GALNT17: variants seen among roughly 807,000 people sequenced by gnomAD.
GALNT17 encodes the protein UDP-GalNAc:polypeptide N-acetylgalactosaminyltransferase-like 3.
A neutral mutation model predicts 63.7 loss-of-function variants in GALNT17; 29 were observed. That is an observed-to-expected ratio of 0.46 (90% CI 0.34 to 0.62). The LOEUF (loss-of-function observed/expected upper bound fraction) is 0.62. Ranked by LOEUF, GALNT17 falls within the 20% of genes least tolerant of loss-of-function variation. The pLI is 0.01. For synonymous variants in GALNT17, 305 were observed against 318.3 expected (o/e 0.96, Z 0.45); for missense variants, 603 against 799.6 (o/e 0.75, Z 2.97).
At chr7:71,290,124 G>A (rs1790953725) in intron 1 of GALNT17, among the ~76,000 whole-genome samples, 1 of 152,164 alleles carries the variant, frequency 6.6e-6, no homozygotes, top group African/African-American at 2.4e-5. Flanking sequence ...TTTAGTATAT[G>A]CATGATAGCA....
At chr7:71,523,296 G>A (rs945194255) in intron 5 of GALNT17, among the ~76,000 whole-genome samples, 2 of 152,112 alleles carry the variant, frequency 1.3e-5, no homozygotes, top group Non-Finnish European at 2.9e-5. Context: ...AGGCGTGGTG[G>A]CGCACGCCTG....
At chr7:71,542,466 G>A (rs1384756581) in intron 5 of GALNT17, among the ~76,000 whole-genome samples, 1 of 152,030 alleles carries the variant, frequency 6.6e-6, no homozygotes, top group Non-Finnish European at 1.5e-5. Flanking sequence ...GGAGGCCGAG[G>A]CGGGCAGATC....
intron 1 of GALNT17, among the ~76,000 whole-genome samples, chr7:71,272,180 T>C (rs557507691): frequency 1.3e-5 from 2 of 152,362 alleles, no homozygotes; most frequent in African/African-American, 4.8e-5. Flanking sequence ...TGCTATTCCA[T>C]GTATTGGGAG....
intron 6 of GALNT17, among the ~76,000 whole-genome samples, chr7:71,614,790 GAGAA>G (rs1356922750): frequency 6.7e-6 from 1 of 148,522 alleles, no homozygotes; most frequent in Admixed American, 6.8e-5. Context: ...AAGAGAAACA[GAGAA>G]AGAGAAAAAA....
chr7:71,358,988 T>G (rs1330354682), intron 2 of GALNT17, among the ~76,000 whole-genome samples: 1 of 152,174 alleles, frequency 6.6e-6, no homozygotes, highest in Non-Finnish European at 1.5e-5. Context: ...CTGGCCAGGC[T>G]GGTCTCAAAC....
chr7:71,332,058 G>T (rs1291146700), intron 1 of GALNT17, among the ~76,000 whole-genome samples: 1 of 152,070 alleles, frequency 6.6e-6, no homozygotes, highest in Non-Finnish European at 1.5e-5. Flanking sequence ...GCCTAGATGG[G>T]CTCCTTCCTC....
At chr7:71,710,482 A>G (rs1420978901) in intron 9 of GALNT17, among the ~76,000 whole-genome samples, 3 of 152,166 alleles carry the variant, frequency 2.0e-5, no homozygotes, top group South Asian at 4.1e-4. Context: ...CACTCCAGAC[A>G]GGACAACAGA....
intron 6 of GALNT17, among the ~76,000 whole-genome samples, chr7:71,623,128 TTC>T (rs762185988): frequency 2.0e-5 from 3 of 152,158 alleles, no homozygotes; most frequent in Non-Finnish European, 4.4e-5. Flanking sequence ...GGATATCATA[TTC>T]TCTCTGTTTG....
intron 1 of GALNT17, among the ~76,000 whole-genome samples, chr7:71,318,436 G>T (rs1181197273): frequency 6.7e-6 from 1 of 149,552 alleles, no homozygotes; most frequent in Non-Finnish European, 1.5e-5. Context: ...GTGTGTGGGG[G>T]GTGGGATATA....
At chr7:71,295,502 T>TTTCCTTTC (rs1791061967) in intron 1 of GALNT17, among the ~76,000 whole-genome samples, 1 of 151,898 alleles carries the variant, frequency 6.6e-6, no homozygotes, top group Non-Finnish European at 1.5e-5. Context: ...CTCTTTCTTT[T>TTTCCTTTC]TTCCTTTCTT....
chr7:71,397,956 G>C (rs937737950), intron 3 of GALNT17, among the ~76,000 whole-genome samples: 1 of 150,204 alleles, frequency 6.7e-6, no homozygotes, highest in Non-Finnish European at 1.5e-5. Flanking sequence ...TGTTGTTGTT[G>C]TTGTTGTTGT....
intron 7 of GALNT17, among the ~76,000 whole-genome samples, chr7:71,668,975 G>C (rs1345620649): frequency 1.3e-5 from 2 of 152,138 alleles, no homozygotes; most frequent in Admixed American, 1.3e-4. Flanking sequence ...GTGGTTGTAG[G>C]CATTTATTTT....
intron 5 of GALNT17, among the ~76,000 whole-genome samples, chr7:71,528,856 C>T (rs555841199): frequency 5.3e-5 from 8 of 152,004 alleles, no homozygotes; most frequent in Non-Finnish European, 8.8e-5. Context: ...AAAAGTTGAC[C>T]GGGTGTGGTG....
Position 71,598,458 on chromosome 7 carries a change from G to A in GALNT17, c.1080+27056G>A, listed in dbSNP as rs2116930417. On this transcript the variant is annotated intron_variant, in intron 6 of 10. Coordinates refer to ENST00000333538, the MANE Select transcript of GALNT17 (RefSeq NM_022479.3). Reference sequence around the variant, plus strand: ...GCATGGATCTCACATATGTGAAGATGAAATAGCTGTGTTTAGTATTTCTCT... The same window carrying A: ...GCATGGATCTCACATATGTGAAGATAAAATAGCTGTGTTTAGTATTTCTCT... Among the ~76,000 whole-genome samples, 2 of 152,356 alleles carry A rather than the reference G, an allele frequency of 1.3e-5. 1 individual carries two copies. The highest frequency in any genetic ancestry group is 4.1e-4 in the South Asian group (2 of 4,828).
At chr7:71,134,090 A>C (rs2903459) in intron 1 of GALNT17, among the ~76,000 whole-genome samples, 118,950 of 152,192 alleles carry the variant, frequency 0.78, 47,174 homozygotes, top group East Asian at 0.99. Flanking sequence ...CCACCCATCC[A>C]CAGAGGGGAA....
intron 5 of GALNT17, among the ~76,000 whole-genome samples, chr7:71,555,093 G>T: frequency 6.6e-6 from 1 of 152,040 alleles, no homozygotes; most frequent in East Asian, 1.9e-4. Flanking sequence ...AGGTCCTAGA[G>T]TCTTCGTTAA....
At chr7:71,426,725 G>A (rs1786767124) in intron 5 of GALNT17, among the ~76,000 whole-genome samples, 1 of 152,094 alleles carries the variant, frequency 6.6e-6, no homozygotes, top group Admixed American at 6.5e-5. Flanking sequence ...TTCAAGACCA[G>A]CCTAGCCAAC....
chr7:71,633,236 G>T (rs73371256), intron 6 of GALNT17, among the ~76,000 whole-genome samples: 2 of 151,868 alleles, frequency 1.3e-5, no homozygotes. Flanking sequence ...ATTCTCACTC[G>T]CCATGTCCCA....
chr7:71,385,499 C>T (rs1353910866), intron 2 of GALNT17, among the ~76,000 whole-genome samples: 5 of 152,182 alleles, frequency 3.3e-5, no homozygotes, highest in Admixed American at 2.6e-4. Context: ...TGAGGGCAAC[C>T]TTGGCTCCTC....
Sources: allele counts gnomAD v4.1 joint callset (sites outside exome capture counted in the v4.1 genomes callset), GRCh38; gene constraint gnomAD v4.1.1; transcripts MANE v1.5; gene names NCBI Gene and HGNC (gene_info 2026-07-23, HGNC 2026-07-21).